KDM4C: variants seen among roughly 807,000 people sequenced by gnomAD.
KDM4C encodes the protein lysine demethylase 4C.
In KDM4C, 81 loss-of-function variants were observed where a neutral mutation model predicts 129.3. The observed-to-expected ratio is 0.63, with a 90% CI of 0.52 to 0.75. KDM4C has a LOEUF of 0.75. KDM4C is among the 30% of genes least tolerant of loss of function. The pLI is 0.00. For synonymous variants in KDM4C, 573 were observed against 456.1 expected, an observed-to-expected ratio of 1.26 and a Z score of -3.26; for missense variants, 1,457 against 1,304.0, an observed-to-expected ratio of 1.12 and a Z score of -1.81.
rs1435101162 is a variant in KDM4C at position 7,011,733 on chromosome 9, G to A, written c.1822G>A (p.Glu608Lys). The change falls in exon 13 of 22, where the codon GAA (glutamate) becomes AAA (lysine). Residue 608 changes from glutamate (E) to lysine (K), a missense_variant. By Grantham distance (56) the Glu-to-Lys change is moderately conservative (BLOSUM62 1). Transcript: ENST00000381309. ...GGTTCTGTCCATTGAGGAGGAAGTGGAAGAAACAGAGTCTTGGGCGAAACC... is the reference window on the plus strand; with the variant it reads ...GGTTCTGTCCATTGAGGAGGAAGTGAAAGAAACAGAGTCTTGGGCGAAACC... ...PEVLSIEEEV[E>K]ETESWAKPLI... 1 of 1,614,020 alleles carries A rather than the reference G, an allele frequency of 6.2e-7. No homozygotes were observed. The highest frequency in any genetic ancestry group is 1.3e-5 in the African/African-American group (1 of 74,906).
At chr9:6,854,360 T>C (rs892653347) in intron 5 of KDM4C, among the ~76,000 whole-genome samples, 6 of 151,764 alleles carry the variant, frequency 4.0e-5, no homozygotes, top group African/African-American at 1.5e-4. Context: ...ACCCCGTCTC[T>C]ACTAAAAATA....
intron 8 of KDM4C, among the ~76,000 whole-genome samples, chr9:6,937,276 T>C (rs1824984981): frequency 6.6e-6 from 1 of 152,162 alleles, no homozygotes. Flanking sequence ...CATTTAAAGT[T>C]TGAAATTCTG....
chr9:7,023,677 G>A (rs1039029671), intron 15 of KDM4C, among the ~76,000 whole-genome samples: 27 of 151,848 alleles, frequency 1.8e-4, no homozygotes, highest in African/African-American at 5.8e-4. Flanking sequence ...CTAATTTTGT[G>A]TTTCGTTTGC....
chr9:6,723,415 A>T (rs1260929551), intron 1 of KDM4C: 1 of 150,998 alleles, frequency 6.6e-6, no homozygotes, highest in Non-Finnish European at 1.5e-5. Flanking sequence ...TGCTGAGCAG[A>T]AGGCAACTTA....
At chr9:7,023,314 T>G (rs1825211340) in intron 15 of KDM4C, among the ~76,000 whole-genome samples, 1 of 152,144 alleles carries the variant, frequency 6.6e-6, no homozygotes, top group African/African-American at 2.4e-5. Context: ...TTTGATCTCA[T>G]TACTTGTTAT....
chr9:6,914,250 G>A (rs1474343285), intron 8 of KDM4C, among the ~76,000 whole-genome samples: 1 of 152,020 alleles, frequency 6.6e-6, no homozygotes, highest in African/African-American at 2.4e-5. Context: ...GTAGAGACAG[G>A]GTTTCTCCGT....
intron 1 of KDM4C, among the ~76,000 whole-genome samples, chr9:6,785,781 G>C (rs558045433): frequency 6.6e-6 from 1 of 152,228 alleles, no homozygotes; most frequent in Non-Finnish European, 1.5e-5. Context: ...AGGTTTCAGC[G>C]TGTCTTTTGG....
intron 15 of KDM4C, among the ~76,000 whole-genome samples, chr9:7,035,046 TC>T (rs1465638339): frequency 6.6e-6 from 1 of 152,036 alleles, no homozygotes; most frequent in East Asian, 1.9e-4. Flanking sequence ...GGGTCTCACT[TC>T]CATTGCCCAG....
intron 1 of KDM4C, among the ~76,000 whole-genome samples, chr9:6,740,242 T>C (rs542677791): frequency 2.2e-4 from 33 of 151,946 alleles, no homozygotes; most frequent in Non-Finnish European, 3.5e-4. Flanking sequence ...CTTGCTCTGT[T>C]GCCCAGGCTG....
intron 10 of KDM4C, among the ~76,000 whole-genome samples, chr9:6,985,465 A>G (rs1375479910): frequency 2.0e-5 from 3 of 151,882 alleles, no homozygotes; most frequent in Admixed American, 6.6e-5. Context: ...TGTGGTAAGT[A>G]GCATTATAGA....
upstream of KDM4C, chr9:6,757,714 C>T (rs1818474078): frequency 1.5e-5 from 15 of 985,480 alleles, no homozygotes; most frequent in Middle Eastern, 5.2e-4. Flanking sequence ...TGCGGGACCC[C>T]AGCCAGCGCT....
chr9:6,842,087 T>C (rs1173525867), intron 4 of KDM4C, among the ~76,000 whole-genome samples: 2 of 152,220 alleles, frequency 1.3e-5, no homozygotes, highest in African/African-American at 2.4e-5. Context: ...CTCCAGTTAC[T>C]GGACACATTT....
At chr9:6,882,543 C>A (rs905360850) in intron 6 of KDM4C, among the ~76,000 whole-genome samples, 11 of 152,078 alleles carry the variant, frequency 7.2e-5, no homozygotes, top group Non-Finnish European at 1.2e-4. Context: ...GTTACTCGTC[C>A]AAAATATGTG....
At chr9:7,069,672 A>G (rs1734659138) in intron 17 of KDM4C, among the ~76,000 whole-genome samples, 1 of 152,258 alleles carries the variant, frequency 6.6e-6, no homozygotes, top group Non-Finnish European at 1.5e-5. Flanking sequence ...TAACATTGAT[A>G]CAACAGGTGT....
chr9:6,956,139 T>C (rs1038109147), intron 8 of KDM4C, among the ~76,000 whole-genome samples: 1 of 152,186 alleles, frequency 6.6e-6, no homozygotes, highest in Admixed American at 6.5e-5. Flanking sequence ...GTGGGGATGG[T>C]TAATGGGTAC....
Position 6,720,934 on chromosome 9 carries a change from G to A in KDM4C, c.-15G>A, listed in dbSNP as rs1334469201. 3 of 1,551,090 alleles carry A rather than the reference G, an allele frequency of 1.9e-6. No homozygotes were observed. In the South Asian group the frequency reaches 3.6e-5, roughly 18 times the overall value. On this transcript the variant is annotated 5_prime_UTR_variant, in exon 1 of 18. Transcript: ENST00000536108. ...AGTGTTCTGCATTCATGTGGAAGAG[G>A]CTAAAGGATGTTTGATGAAGCACTA...
At position 7,061,806 on chromosome 9, in the gene KDM4C, A is replaced by G. The variant is rs568738035; in HGVS notation, c.2424+12606A>G. ...TTTTTTTCTTATTTTGTGGCAGTGG[A>G]GTTGCCTAATTTCATAGACTGAAGA... On this transcript the variant is annotated intron_variant, in intron 17 of 21. Transcript: ENST00000381309. Among the ~76,000 whole-genome samples the G allele has an allele frequency of 2.6e-5, 4 of 152,052 alleles. No homozygotes were observed. In the East Asian group the frequency reaches 7.7e-4, roughly 29 times the overall value.
At chr9:6,733,374 A>G (rs913299487) in intron 1 of KDM4C, among the ~76,000 whole-genome samples, 1 of 152,202 alleles carries the variant, frequency 6.6e-6, no homozygotes. Context: ...TTTCTGTTAC[A>G]GAGACTGTTT....
At chr9:6,723,139 C>T (rs540252088) in intron 1 of KDM4C, among the ~76,000 whole-genome samples, 1 of 151,938 alleles carries the variant, frequency 6.6e-6, no homozygotes, top group South Asian at 2.1e-4. Flanking sequence ...TTTGGGAGGC[C>T]GAGGTGAGTG....
Sources: gnomAD v4.1 joint callset for allele counts (sites outside exome capture counted in the v4.1 genomes callset) on GRCh38, gnomAD v4.1.1 for gene constraint, MANE v1.5 for transcripts, NCBI Gene and HGNC (gene_info 2026-07-23, HGNC 2026-07-21) for gene names.